EML3: variants seen among roughly 807,000 people sequenced by gnomAD.
EML3 encodes the protein EMAP like 3.
In EML3, 53 loss-of-function variants were observed where a neutral mutation model predicts 106.7. The observed-to-expected ratio is 0.50, with a 90% CI of 0.40 to 0.62. The LOEUF is 0.62. EML3 is among the 20% of genes least tolerant of loss of function. EML3 has a pLI of 0.00. For missense variants in EML3, 994 were observed against 1,209.1 expected (o/e 0.82, Z 2.64); for synonymous variants, 499 against 489.6 (o/e 1.02, Z -0.25).
chr11:62,604,394 T>G (rs1942409487), intron 16 of EML3, among the ~76,000 whole-genome samples, 193 bp from the exon 17 acceptor site: 1 of 152,108 alleles, frequency 6.6e-6, no homozygotes, highest in Non-Finnish European at 1.5e-5. Flanking sequence ...GTTGTTGTTG[T>G]TGTTTTGAGA....
At chr11:62,610,635 C>A (rs1942762293) in intron 4 of EML3, among the ~76,000 whole-genome samples, 1 of 152,210 alleles carries the variant, frequency 6.6e-6, no homozygotes, top group Non-Finnish European at 1.5e-5. Flanking sequence ...TGCTTCCTCA[C>A]CTGTGCAATG....
At chr11:62,610,654 G>A (rs539381333) in intron 4 of EML3, among the ~76,000 whole-genome samples, 16 of 152,314 alleles carry the variant, frequency 1.1e-4, no homozygotes, top group African/African-American at 3.9e-4. Context: ...TGAGCAGCAT[G>A]AGACCACCTA....
rs113222038 is a variant in EML3 at position 62,612,555 on chromosome 11, C to T, written c.-98G>A. ...GGGGAAGGGGAAGCACCCCGGGGCG[C>T]GCGCGAAGGGCGCCGTACCACCACC... On this transcript the variant is annotated 5_prime_UTR_variant, in exon 1 of 22. Transcript: ENST00000394773. 312,936 of 1,215,572 alleles carry T rather than the reference C, an allele frequency of 0.26. 42,721 individuals carry two copies. Among genetic ancestry groups the T allele is most frequent in the Non-Finnish European group, 0.28 (267,061 of 948,832 alleles). The allele number at this position is 1,215,572 out of a possible 1,614,324, so 75.3% of individuals were successfully genotyped here. A position where few individuals can be genotyped will look rare whatever the true frequency, so the allele number is the denominator to read the frequency against.
rs951704822 is a variant in EML3, at chr11:62,612,654, C to T, written c.-197G>A. The T allele has an allele frequency of 3.3e-4, 137 of 412,818 alleles. No homozygotes were observed. Among genetic ancestry groups the T allele is most frequent in the Non-Finnish European group, 5.1e-4 (125 of 246,242 alleles). 25.6% of individuals were successfully genotyped at this position (412,818 alleles called of 1,614,324 possible). On this transcript the variant is annotated 5_prime_UTR_variant, in exon 1 of 22. Transcript: ENST00000394773. ...TGGGCCCGGGGCCGCAGTCTCCAGA[C>T]CCCCCCGGGCCCTCGGACTCTCCCG...
chr11:62,612,384 C>A (rs1426909959), intron 1 of EML3, 52 bp downstream of exon 1: 27 of 1,490,460 alleles, frequency 1.8e-5, no homozygotes, highest in Non-Finnish European at 2.3e-5. Flanking sequence ...CATAACCCGA[C>A]GAGCCGGGCG....
intron 11 of EML3, 34 bp downstream of exon 11, chr11:62,607,632 C>T (rs1050023236): frequency 1.3e-6 from 2 of 1,596,662 alleles, no homozygotes; most frequent in Non-Finnish European, 1.7e-6. Flanking sequence ...TCCACTCTGC[C>T]CTCCCCATCA....
At position 62,605,743 on chromosome 11, in the gene EML3, T is replaced by G; in HGVS notation, c.1813A>C (p.Thr605Pro). ...GHTDELWGLCTHPSQNRFLTC... is the reference protein window; with the variant it reads ...GHTDELWGLCPHPSQNRFLTC... Reference sequence around the variant, plus strand: ...AGGAAGCGGTTCTGGGAGGGGTGTGTGCAGAGCCCCCAGAGCTCATCAGTG... The same window carrying G: ...AGGAAGCGGTTCTGGGAGGGGTGTGGGCAGAGCCCCCAGAGCTCATCAGTG... Residue 605 changes from threonine to proline, a missense_variant, in exon 15 of 22, where the codon ACA becomes CCA. Thr to Pro is a conservative substitution (Grantham distance 38). Around this residue, in one of 3 missense-constraint regions of EML3, gnomAD observed 713 missense variants for 920.5 expected, o/e 0.77. Transcript: ENST00000394773. This position sits in a 1 kb window ranked among gnomAD's most constrained non-coding sequence, Gnocchi z 5.2. 1 of 1,598,866 alleles carries G rather than the reference T, an allele frequency of 6.3e-7. No individual in the cohort carries two copies. Among genetic ancestry groups the G allele is most frequent in the Non-Finnish European group, 8.5e-7 (1 of 1,171,998 alleles).
chr11:62,609,013 G>A lies in EML3; in HGVS notation c.878C>T (p.Pro293Leu). The change falls in exon 7 of 22, where the codon CCT (proline) becomes CTT (leucine). Residue 293 changes from proline (P) to leucine (L), a missense_variant. Around this residue, in one of 3 missense-constraint regions of EML3, gnomAD observed 713 missense variants for 920.5 expected, o/e 0.77. Transcript: ENST00000394773. ...GTAATGTCTCTGGCCGCCACCTCCA[G>A]GACCCCCTGGGCCTCCTCCAGGCCG... ...LYRPGGGPGGPGGGGQRHYRG... is the reference protein window; with the variant it reads ...LYRPGGGPGGLGGGGQRHYRG... The A allele has an allele frequency of 6.2e-7, 1 of 1,613,950 alleles. No homozygotes were observed. The highest frequency in any genetic ancestry group is 1.1e-5 in the South Asian group (1 of 91,074).
rs752483754 is a variant in EML3 at position 62,607,740 on chromosome 11, G to A, written c.1288C>T (p.His430Tyr). The A allele has an allele frequency of 1.2e-6, 2 of 1,613,962 alleles. No homozygotes were observed. Among genetic ancestry groups the A allele is most frequent in the South Asian group, 1.1e-5 (1 of 91,066 alleles). Residue 430 changes from histidine (H) to tyrosine (Y), a missense_variant, in exon 11 of 22, where the codon CAC (histidine) becomes TAC (tyrosine). This residue lies in a region of EML3 where 713 missense variants were observed against 920.5 expected (regional missense o/e 0.77). Transcript: ENST00000394773. Reference sequence around the variant, plus strand: ...ACTCCACCACTCCAATTCCAGAAGTGGACGTGAGATTTCCCACTGGTGACG... The same window carrying A: ...ACTCCACCACTCCAATTCCAGAAGTAGACGTGAGATTTCCCACTGGTGACG... ...CIVTSGKSHVHFWNWSGGVGV... is the reference protein window; with the variant it reads ...CIVTSGKSHVYFWNWSGGVGV...
chr11:62,608,939 C>A, intron 7 of EML3, 23 bp downstream of exon 7: 1 of 1,610,382 alleles, frequency 6.2e-7, no homozygotes, highest in Non-Finnish European at 8.5e-7. Context: ...TCCTGCCAAG[C>A]CCACCAGCCC....
At chr11:62,607,450 T>A in intron 11 of EML3, 2 of 505,632 alleles carry the variant, frequency 4.0e-6, no homozygotes, top group Non-Finnish European at 6.7e-6. Context: ...GGCAGGAGAA[T>A]TGCTCGAACC....
Position 62,602,290 on chromosome 11 carries a change from C to A in EML3, c.*185G>T. 1.9e-6 allele frequency: 3 copies of A among 1,550,588 alleles called. No homozygotes were observed. The highest frequency in any genetic ancestry group is 2.6e-6 in the Non-Finnish European group (3 of 1,146,788). ...AGGCCTAGGCTGGGGCTGCCCGGCT[C>A]AGCCAGCGGGTCTAAACAGTGTGTG... is the stretch of plus-strand genomic sequence containing the variant. On this transcript the variant is annotated 3_prime_UTR_variant, in exon 22 of 22. Coordinates refer to ENST00000394773, the MANE Select transcript of EML3 (RefSeq NM_153265.3).
Position 62,611,150 on chromosome 11 carries a change from C to T in EML3, c.389G>A (p.Gly130Asp), listed in dbSNP as rs1364409980. The T allele has an allele frequency of 1.2e-6, 2 of 1,601,546 alleles. No homozygotes were observed. Among genetic ancestry groups the T allele is most frequent in the South Asian group, 1.1e-5 (1 of 90,506 alleles). ...QSEGGGSSSS[G>D]AGSPGPPGIL... ...CCCCGGGGGGCCAGGGGAGCCAGCA[C>T]CACTGCTGCTGCTGCCCCCTCCTTC... Residue 130 changes from glycine (G) to aspartate (D), a missense_variant, in exon 3 of 22, where the codon GGT (glycine) becomes GAT (aspartate). Transcript: ENST00000394773.
In EML3 at chr11:62,612,528, G is replaced by C; in HGVS notation, c.-71C>G. ...AAGCCGCGGGGGCCACGGCCGGGGAGAGGGGAAGGGGAAGCACCCCGGGGC... is the reference window on the plus strand; with the variant it reads ...AAGCCGCGGGGGCCACGGCCGGGGACAGGGGAAGGGGAAGCACCCCGGGGC... On this transcript the variant is annotated 5_prime_UTR_variant, in exon 1 of 22. Transcript: ENST00000394773. The C allele has an allele frequency of 7.6e-7, 1 of 1,320,394 alleles. No homozygotes were observed. The highest frequency in any genetic ancestry group is 9.6e-7 in the Non-Finnish European group (1 of 1,036,786). The allele number at this position is 1,320,394 out of a possible 1,614,324, so 81.8% of individuals were successfully genotyped here.
chr11:62,607,598 A>G, intron 11 of EML3, 68 bp downstream of exon 11: 3 of 1,537,436 alleles, frequency 2.0e-6, no homozygotes, highest in Non-Finnish European at 2.6e-6. Context: ...CAGGGTCCAT[A>G]GTACTCAGCC....
chr11:62,610,851 G>A (rs902899551), intron 4 of EML3, 28 bp downstream of exon 4: 7 of 1,556,938 alleles, frequency 4.5e-6, no homozygotes, highest in Non-Finnish European at 6.1e-6. Context: ...GCCTGGGGCG[G>A]GGTGGGTTGA....
chr11:62,610,349 C>G (rs531546782), intron 4 of EML3, among the ~76,000 whole-genome samples: 24 of 152,300 alleles, frequency 1.6e-4, no homozygotes, highest in Non-Finnish European at 3.1e-4. Context: ...CGTACATACT[C>G]TGAGGCAACT....
chr11:62,603,911 A>C, intron 18 of EML3, 33 bp downstream of exon 18: 1 of 1,613,326 alleles, frequency 6.2e-7, no homozygotes. Flanking sequence ...CGCAGCTGTT[A>C]TCATGCCCCA....
Position 62,602,660 on chromosome 11 carries a change from C to T in EML3, c.2506G>A (p.Gly836Arg), listed in dbSNP as rs749272847. The T allele has an allele frequency of 6.3e-7, 1 of 1,596,796 alleles. No individual in the cohort carries two copies. The highest frequency in any genetic ancestry group is 1.3e-5 in the African/African-American group (1 of 74,748). Reference protein sequence around the residue: ...ARAKAPSRMYGGHGSHVTSVR... With the variant: ...ARAKAPSRMYRGHGSHVTSVR... ...CTGGTCACGTGGCTGCCGTGGCCCCCGTACATGCGGCTCGGCGCCTGGGCC... is the reference window on the plus strand; with the variant it reads ...CTGGTCACGTGGCTGCCGTGGCCCCTGTACATGCGGCTCGGCGCCTGGGCC... The change falls in exon 22 of 22, where the codon GGG becomes AGG. Residue 836 changes from glycine to arginine, a missense_variant. Physicochemically the swap from Gly to Arg is moderately radical, Grantham distance 125 (BLOSUM62 -2). Coordinates refer to ENST00000394773, the MANE Select transcript of EML3 (RefSeq NM_153265.3).
Sources: allele counts gnomAD v4.1 joint callset (sites outside exome capture counted in the v4.1 genomes callset), GRCh38; gene constraint gnomAD v4.1.1; regional missense constraint gnomAD v4.1.1; non-coding constraint Gnocchi (gnomAD v3.1); transcripts MANE v1.5; gene names NCBI Gene and HGNC (gene_info 2026-07-23, HGNC 2026-07-21).